ZDHHC7: variants seen among roughly 807,000 people sequenced by gnomAD.
The protein encoded by ZDHHC7 is palmitoyltransferase ZDHHC7.
Under a neutral mutation model 34.1 loss-of-function variants are expected in ZDHHC7, and 12 were observed. The ratio of observed to expected loss-of-function variants is 0.35; its 90% confidence interval spans 0.23 to 0.57. The LOEUF is 0.57. Ranked by LOEUF, ZDHHC7 falls within the 20% of genes least tolerant of loss-of-function variation. The pLI is 0.84. For missense variants in ZDHHC7, 388 were observed against 402.7 expected (o/e 0.96, Z 0.31); for synonymous variants, 185 against 155.4 (o/e 1.19, Z -1.42).
chr16:84,984,613 G>A (rs755893893), intron 3 of ZDHHC7, among the ~76,000 whole-genome samples: 5 of 152,274 alleles, frequency 3.3e-5, no homozygotes, highest in Non-Finnish European at 4.4e-5. Context: ...AAGGCATTTC[G>A]AAGGGGAAGC....
Position 84,976,433 on chromosome 16 carries a change from G to C in ZDHHC7, c.837C>G (p.Pro279=), listed in dbSNP as rs531874653. 8 of 1,613,804 alleles carry C rather than the reference G, an allele frequency of 5.0e-6. No homozygotes were observed. The highest frequency in any genetic ancestry group is 1.1e-5 in the South Asian group (1 of 91,064). Residue 279 remains proline (P), a synonymous_variant, in exon 8 of 8, where the codon CCC becomes CCG. Coordinates refer to ENST00000313732, the MANE Select transcript of ZDHHC7 (RefSeq NM_017740.3). ...EGMKSVFGGP[P]SLLWMNPFVG... is the part of the protein sequence containing the mutation. The stretch of plus-strand genomic sequence containing the variant: ...CAAAGGGATTCATCCAGAGGAGTGA[G>C]GGGGGCCCCCCAAAGACGGACTTCA...
intron 1 of ZDHHC7, among the ~76,000 whole-genome samples, chr16:84,998,941 A>C (rs1227548166): frequency 2.0e-5 from 3 of 151,508 alleles, no homozygotes; most frequent in African/African-American, 7.3e-5. Context: ...TTTTAGTAGA[A>C]ACAGGGTTTC....
the ZDHHC7 span, among the ~76,000 whole-genome samples, chr16:85,017,515 C>G: frequency 6.6e-6 from 1 of 152,162 alleles, no homozygotes; most frequent in African/African-American, 2.4e-5. Context: ...TTCATTCATA[C>G]AGTACCATCC....
chr16:84,977,892 A>G (rs2072318739), intron 6 of ZDHHC7, 32 bp downstream of exon 6: 1 of 1,569,032 alleles, frequency 6.4e-7, no homozygotes, highest in African/African-American at 1.4e-5. Flanking sequence ...CAGCATGCAA[A>G]GCCAGGAATG....
Position 84,975,742 on chromosome 16 carries a change from GAC to G in ZDHHC7, c.*599_*600del, listed in dbSNP as rs921414221. Reference sequence around the variant, plus strand: ...ATGCACACACGCGCGCACACGCACAGACACGCACACACACAGACTTGCTGAGA... The same window carrying G: ...ATGCACACACGCGCGCACACGCACAGACGCACACACACAGACTTGCTGAGA... On this transcript the variant is annotated 3_prime_UTR_variant, in exon 8 of 8. Coordinates refer to ENST00000313732, the MANE Select transcript of ZDHHC7 (RefSeq NM_017740.3). 6.5e-6 allele frequency: 1 copy of G among 154,302 alleles called. No individual in the cohort carries two copies. Among genetic ancestry groups the G allele is most frequent in the African/African-American group, 2.4e-5 (1 of 41,470 alleles). 9.6% of individuals were successfully genotyped at this position (154,302 alleles called of 1,614,324 possible).
chr16:84,977,386 G>A (rs760669521), intron 6 of ZDHHC7, 161 bp from the exon 7 acceptor site: 21 of 881,248 alleles, frequency 2.4e-5, no homozygotes, highest in Non-Finnish European at 3.4e-5. Context: ...AAGGAGCAGA[G>A]GAGGGCCACC....
chr16:84,990,828 C>T (rs187826909), intron 2 of ZDHHC7, among the ~76,000 whole-genome samples, 193 bp from the exon 3 acceptor site: 13 of 151,664 alleles, frequency 8.6e-5, no homozygotes, highest in Non-Finnish European at 1.9e-4. Context: ...TACTACAACA[C>T]AGTAAGTCCC....
chr16:85,005,469 C>A (rs1010641737), intron 1 of ZDHHC7, among the ~76,000 whole-genome samples: 4 of 152,208 alleles, frequency 2.6e-5, no homozygotes, highest in Non-Finnish European at 5.9e-5. Flanking sequence ...AGGCGTATCA[C>A]GAGCTCATTT....
At chr16:85,025,334 A>T in the ZDHHC7 span, among the ~76,000 whole-genome samples, 1 of 151,782 alleles carries the variant, frequency 6.6e-6, no homozygotes, top group Non-Finnish European at 1.5e-5. Flanking sequence ...AGTGGGAGAG[A>T]CCAAGTTCTG....
At chr16:85,016,122 G>A (rs57595471), upstream of ZDHHC7, among the ~76,000 whole-genome samples, 3,596 of 152,158 alleles carry the variant, frequency 0.024, 148 homozygotes, top group African/African-American at 0.082. Context: ...TTGGCCAAGA[G>A]GAAGGGCCCA....
At chr16:85,026,088 A>G in the ZDHHC7 span, among the ~76,000 whole-genome samples, 1 of 152,218 alleles carries the variant, frequency 6.6e-6, no homozygotes, top group Admixed American at 6.5e-5. Context: ...GAGGGTCTGC[A>G]TGATATTCCC....
intron 1 of ZDHHC7, among the ~76,000 whole-genome samples, chr16:85,006,007 G>A (rs2072712510): frequency 1.3e-5 from 2 of 152,186 alleles, no homozygotes; most frequent in South Asian, 4.1e-4. Context: ...TCTGCAGAAC[G>A]CTAACTTCAA....
chr16:85,009,973 G>A (rs1263359270), intron 1 of ZDHHC7, among the ~76,000 whole-genome samples: 1 of 151,784 alleles, frequency 6.6e-6, no homozygotes, highest in Non-Finnish European at 1.5e-5. Flanking sequence ...CTCCCAAAGT[G>A]CTGGGATCAC....
intron 1 of ZDHHC7, among the ~76,000 whole-genome samples, chr16:84,999,853 T>G (rs2072630887): frequency 6.6e-6 from 1 of 152,108 alleles, no homozygotes; most frequent in Admixed American, 6.6e-5. Flanking sequence ...GACTATACAC[T>G]TTAAATTGTG....
At chr16:84,988,951 T>G in intron 3 of ZDHHC7, 2 of 1,361,892 alleles carry the variant, frequency 1.5e-6, no homozygotes, top group African/African-American at 1.4e-5. Context: ...TCGAAGTGCC[T>G]GGGCACTTTG....
In ZDHHC7 at chr16:85,011,358, G is replaced by T; in HGVS notation, c.-176C>A. 1 of 152,650 alleles carries T rather than the reference G, an allele frequency of 6.6e-6. No individual in the cohort carries two copies. Among genetic ancestry groups the T allele is most frequent in the South Asian group, 1.8e-4 (1 of 5,626 alleles). The allele number at this position is 152,650 out of a possible 1,614,324, so 9.5% of individuals were successfully genotyped here. ...CGGCGGCGGCGGCGGCGACTGCAGC[G>T]GCCGAGGCAGGGACGCATCATGCGG... is the stretch of plus-strand genomic sequence containing the variant. On this transcript the variant is annotated 5_prime_UTR_variant, in exon 1 of 8. Transcript: ENST00000313732.
At chr16:85,022,518 G>T in the ZDHHC7 span, among the ~76,000 whole-genome samples, 1 of 152,146 alleles carries the variant, frequency 6.6e-6, no homozygotes, top group Non-Finnish European at 1.5e-5. Context: ...GTAAGACTCT[G>T]TCTTAATAAT....
In ZDHHC7 at chr16:84,976,235, T is replaced by G; in HGVS notation, c.*108A>C. 2 of 1,398,056 alleles carry G rather than the reference T, an allele frequency of 1.4e-6. No homozygotes were observed. The highest frequency in any genetic ancestry group is 2.0e-4 in the Middle Eastern group (1 of 5,124). The allele number at this position is 1,398,056 out of a possible 1,614,324, so 86.6% of individuals were successfully genotyped here. A position where few individuals can be genotyped will look rare whatever the true frequency, so the allele number is the denominator to read the frequency against. ...CTGCTTGCTGCAAGCAATTGGTTTG[T>G]GTAGGTTCCAGTTGCCCTGTTGGTC... On this transcript the variant is annotated 3_prime_UTR_variant, in exon 8 of 8. Transcript: ENST00000313732.
intron 3 of ZDHHC7, among the ~76,000 whole-genome samples, chr16:84,984,673 A>G (rs1490792384): frequency 1.3e-5 from 2 of 152,208 alleles, no homozygotes; most frequent in African/African-American, 4.8e-5. Context: ...GTGGGATTTC[A>G]GGCACTTGCT....
Sources: allele counts gnomAD v4.1 joint callset (sites outside exome capture counted in the v4.1 genomes callset), GRCh38; gene constraint gnomAD v4.1.1; transcripts MANE v1.5; gene names NCBI Gene and HGNC (gene_info 2026-07-23, HGNC 2026-07-21).